Variants in CERS1 observed in about 807,000 individuals in gnomAD.
CERS1 encodes Embryonic growth/differentiation factor 1.
Under a neutral mutation model 35.7 loss-of-function variants are expected in CERS1, and 16 were observed. That is an observed-to-expected ratio of 0.45 (90% CI 0.30 to 0.68). CERS1 has a LOEUF of 0.68. Ranked by LOEUF, CERS1 falls within the 30% of genes least tolerant of loss-of-function variation. CERS1 has a pLI of 0.08. For synonymous variants in CERS1, 243 were observed against 201.6 expected (o/e 1.21, Z -1.74); for missense variants, 454 against 453.9 (o/e 1.00, Z 0.00).
At chr19:18,886,316 G>A (rs1187922885) in intron 2 of CERS1, among the ~76,000 whole-genome samples, 21 of 152,158 alleles carry the variant, frequency 1.4e-4, no homozygotes, top group South Asian at 1.0e-3. Context: ...TTGGGAGGCC[G>A]AGGCGGGCGG....
At chr19:18,892,700 C>T (rs892182028) in intron 2 of CERS1, among the ~76,000 whole-genome samples, 11 of 152,274 alleles carry the variant, frequency 7.2e-5, no homozygotes, top group African/African-American at 2.4e-4. Context: ...CCCCATGAAA[C>T]GTGAGTGCCT....
rs768626142 is a variant in CERS1, at chr19:18,879,233, C to T, written c.900+8G>A. On this transcript the variant is annotated splice_region_variant and intron_variant, in intron 5 of 7. Coordinates refer to ENST00000623882, the MANE Select transcript of CERS1 (RefSeq NM_021267.5). ...CGCCACTGTGGAGGAGAGCCGGGGC[C>T]GACTCACCAGGAACCAGTAGAGGTT... 1.1e-5 allele frequency: 17 copies of T among 1,613,252 alleles called. No homozygotes were observed. Among genetic ancestry groups the T allele is most frequent in the Middle Eastern group, 1.6e-4 (1 of 6,080 alleles).
Position 18,869,102 on chromosome 19 carries a change from C to G in CERS1, c.*883G>C, listed in dbSNP as rs2055910768. ...GAGGCTGCGCGGCCATGAGGCGTTG[C>G]GAGCCCAAGCGGCGCCCAGCAGCTC... is the stretch of plus-strand genomic sequence containing the variant. On this transcript the variant is annotated 3_prime_UTR_variant, in exon 8 of 8. Coordinates refer to ENST00000623882, the MANE Select transcript of CERS1 (RefSeq NM_021267.5). The G allele has an allele frequency of 2.8e-6, 3 of 1,079,654 alleles. No individual in the cohort carries two copies. The highest frequency in any genetic ancestry group is 3.4e-6 in the Non-Finnish European group (3 of 889,954). The allele number at this position is 1,079,654 out of a possible 1,614,324, so 66.9% of individuals were successfully genotyped here.
chr19:18,886,993 G>A (rs2056377592), intron 2 of CERS1, among the ~76,000 whole-genome samples: 1 of 152,188 alleles, frequency 6.6e-6, no homozygotes, highest in African/African-American at 2.4e-5. Flanking sequence ...CGGTCACCAT[G>A]ACCCAGCAAG....
chr19:18,878,565 C>T lies in CERS1; in HGVS notation c.1010+365G>A, dbSNP rs893113774. On this transcript the variant is annotated intron_variant, in intron 6 of 7. Transcript: ENST00000623882. This position sits in a 1 kb window ranked among gnomAD's most constrained non-coding sequence, Gnocchi z 4.6. The stretch of plus-strand genomic sequence containing the variant: ...CCACTGCCACCAGCTCCAGTGGCGA[C>T]ATGGGTCAGAGGTCGTCATCCAGGC... 35 of 1,043,516 alleles carry T rather than the reference C, an allele frequency of 3.4e-5. No individual in the cohort carries two copies. Among genetic ancestry groups the T allele is most frequent in the Non-Finnish European group, 3.7e-5 (32 of 864,690 alleles). 64.6% of individuals were successfully genotyped at this position (1,043,516 alleles called of 1,614,324 possible). A position where few individuals can be genotyped will look rare whatever the true frequency, so the allele number is the denominator to read the frequency against.
chr19:18,869,885 A>G (rs2055933347), intron 7 of CERS1, 98 bp downstream of exon 7: 20 of 1,204,128 alleles, frequency 1.7e-5, no homozygotes, highest in Middle Eastern at 4.4e-4. Flanking sequence ...GCGGGTGGGG[A>G]CCCTCGGAGC....
chr19:18,870,723 A>C lies in CERS1; in HGVS notation c.1011-104T>G. On this transcript the variant is annotated intron_variant, in intron 6 of 7. Coordinates refer to ENST00000623882, the MANE Select transcript of CERS1 (RefSeq NM_021267.5). The surrounding 1 kb of genome is among the most constrained non-coding windows in gnomAD (Gnocchi z 5.1). ...CGTTTCACACCCCCTGGCTCCTTTT[A>C]CCCGGCCAGGCCCGGGCCTCGCCTT... is the stretch of plus-strand genomic sequence containing the variant. The C allele has an allele frequency of 2.2e-6, 1 of 456,334 alleles. No individual in the cohort carries two copies. Among genetic ancestry groups the C allele is most frequent in the Non-Finnish European group, 4.0e-6 (1 of 251,686 alleles). The allele number at this position is 456,334 out of a possible 1,614,324, so 28.3% of individuals were successfully genotyped here. A position where few individuals can be genotyped will look rare whatever the true frequency, so the allele number is the denominator to read the frequency against.
chr19:18,869,522 CG>C, intron 7 of CERS1, 132 bp from the exon 8 acceptor site: 1 of 845,764 alleles, frequency 1.2e-6, no homozygotes, highest in Non-Finnish European at 1.4e-6. Context: ...TGTGAAGCGG[CG>C]GGGTGGGCTG....
At chr19:18,893,692 G>GT in intron 1 of CERS1, 117 bp from the exon 2 acceptor site, 1 of 1,052,988 alleles carries the variant, frequency 9.5e-7, no homozygotes. Flanking sequence ...GGGAAGGCCT[G>GT]TCCCCCATGC....
chr19:18,893,739 G>A (rs908478858), intron 1 of CERS1, among the ~76,000 whole-genome samples, 164 bp from the exon 2 acceptor site: 5 of 152,258 alleles, frequency 3.3e-5, no homozygotes, highest in South Asian at 2.1e-4. Context: ...GCCCACAGGC[G>A]CCTGCCAAGG....
chr19:18,880,193 G>T (rs2056168044), intron 4 of CERS1, 81 bp downstream of exon 4: 6 of 1,375,550 alleles, frequency 4.4e-6, no homozygotes, highest in South Asian at 3.1e-5. Flanking sequence ...CTCCTTCCCT[G>T]CCTGGTCCCG....
rs776966639 is a variant in CERS1, at chr19:18,869,372, G to C, written c.*613C>G. On this transcript the variant is annotated 3_prime_UTR_variant, in exon 8 of 8. Transcript: ENST00000623882. The stretch of plus-strand genomic sequence containing the variant: ...ATGCCCCGCGGCCGAGGCAGGCTCC[G>C]AGGCCCGGGTGGGCGCACCTGGGGA... 4 of 1,529,850 alleles carry C rather than the reference G, an allele frequency of 2.6e-6. No individual in the cohort carries two copies. The East Asian group carries it at 1.0e-4, about 38-fold the overall frequency. The allele number at this position is 1,529,850 out of a possible 1,614,324, so 94.8% of individuals were successfully genotyped here.
intron 7 of CERS1, among the ~76,000 whole-genome samples, chr19:18,869,678 A>G (rs1249021073): frequency 5.0e-5 from 6 of 119,632 alleles, no homozygotes; most frequent in African/African-American, 1.3e-4. Flanking sequence ...TGGGGAAGCC[A>G]TGCTAGGGTG....
chr19:18,870,000 C>G lies in CERS1; in HGVS notation c.*577G>C. On this transcript the variant is annotated 3_prime_UTR_variant, in exon 7 of 8. Transcript: ENST00000623882. ...CCACTCACCGCGGTCCGGGATGTGGCGCACGATGTTTCCGGCGACCCCCAG... is the reference window on the plus strand; with the variant it reads ...CCACTCACCGCGGTCCGGGATGTGGGGCACGATGTTTCCGGCGACCCCCAG... The G allele has an allele frequency of 6.3e-7, 1 of 1,595,504 alleles. No homozygotes were observed. Among genetic ancestry groups the G allele is most frequent in the Non-Finnish European group, 8.5e-7 (1 of 1,172,662 alleles).
chr19:18,869,329 G>T lies in CERS1; in HGVS notation c.*656C>A. 6.5e-7 allele frequency: 1 copy of T among 1,528,254 alleles called. No individual in the cohort carries two copies. Among genetic ancestry groups the T allele is most frequent in the South Asian group, 1.2e-5 (1 of 83,778 alleles). The allele number at this position is 1,528,254 out of a possible 1,614,324, so 94.7% of individuals were successfully genotyped here. A position where few individuals can be genotyped will look rare whatever the true frequency, so the allele number is the denominator to read the frequency against. On this transcript the variant is annotated 3_prime_UTR_variant, in exon 8 of 8. Coordinates refer to ENST00000623882, the MANE Select transcript of CERS1 (RefSeq NM_021267.5). ...GTTCCACAGCCGACAGGTCGAAGACGACTGTCCACTCAGGGCAATGCCCCG... is the reference window on the plus strand; with the variant it reads ...GTTCCACAGCCGACAGGTCGAAGACTACTGTCCACTCAGGGCAATGCCCCG...
At position 18,870,341 on chromosome 19, in the gene CERS1, G is replaced by A. The variant is rs754080793; in HGVS notation, c.*236C>T. ...CAGGCGATGACCAGAGAGTGCGCAG[G>A]GTCCGCGGCGGCCCGGGACCAGTGG... On this transcript the variant is annotated 3_prime_UTR_variant, in exon 7 of 8. Transcript: ENST00000623882. This position sits in a 1 kb window ranked among gnomAD's most constrained non-coding sequence, Gnocchi z 5.1. The A allele has an allele frequency of 1.9e-6, 3 of 1,542,730 alleles. No individual in the cohort carries two copies. The highest frequency in any genetic ancestry group is 1.2e-5 in the South Asian group (1 of 83,712).
At chr19:18,894,368 A>T (rs544308460) in intron 1 of CERS1, among the ~76,000 whole-genome samples, 91 of 152,102 alleles carry the variant, frequency 6.0e-4, no homozygotes, top group African/African-American at 2.2e-3. Flanking sequence ...AGCAGTTGTC[A>T]TGGAGACAGC....
rs1458299338 is a variant in CERS1, at chr19:18,870,178, C to G, written c.*399G>C. On this transcript the variant is annotated 3_prime_UTR_variant, in exon 7 of 8. Coordinates refer to ENST00000623882, the MANE Select transcript of CERS1 (RefSeq NM_021267.5). The surrounding 1 kb of genome is among the most constrained non-coding windows in gnomAD (Gnocchi z 5.1). ...GCACCCTGGGGCTCATCGCGCAGTC[C>G]TAGAGCCTGGAGCAGGGCGGCGGCT... The G allele has an allele frequency of 6.4e-7, 1 of 1,567,100 alleles. No individual in the cohort carries two copies. The highest frequency in any genetic ancestry group is 1.2e-5 in the South Asian group (1 of 85,482).
intron 2 of CERS1, among the ~76,000 whole-genome samples, chr19:18,888,544 A>C (rs866019359): frequency 0.048 from 7,123 of 147,618 alleles, 251 homozygotes; most frequent in Middle Eastern, 0.13. Flanking sequence ...AAAAAAAAAA[A>C]AACAGGCTAG....
Sources: allele counts gnomAD v4.1 joint callset (sites outside exome capture counted in the v4.1 genomes callset), GRCh38; gene constraint gnomAD v4.1.1; non-coding constraint Gnocchi (gnomAD v3.1); transcripts MANE v1.5; gene names NCBI Gene and HGNC (gene_info 2026-07-23, HGNC 2026-07-21).